FBXW11: variants seen among roughly 807,000 people sequenced by gnomAD.
FBXW11 encodes the protein F-box and WD repeat domain containing 11, also known as F-box/WD repeat-containing protein 11.
In FBXW11, 19 loss-of-function variants were observed where a neutral mutation model predicts 77.6. That is an observed-to-expected ratio of 0.24 (90% CI 0.17 to 0.36). FBXW11 has a LOEUF of 0.36. Ranked by LOEUF, FBXW11 falls within the 10% of genes least tolerant of loss-of-function variation. The pLI is 1.00. For missense variants in FBXW11, 334 were observed against 704.2 expected, an observed-to-expected ratio of 0.47 and a Z score of 5.95; for synonymous variants, 235 against 249.4, an observed-to-expected ratio of 0.94 and a Z score of 0.54.
At chr5:171,923,891 T>A (rs1761733892) in intron 2 of FBXW11, among the ~76,000 whole-genome samples, 1 of 133,912 alleles carries the variant, frequency 7.5e-6, no homozygotes, top group Non-Finnish European at 1.6e-5. Flanking sequence ...CAGGGGAGGG[T>A]CCGCGGTGAA....
chr5:171,884,563 T>C (rs1429923140), intron 7 of FBXW11, among the ~76,000 whole-genome samples: 2 of 152,238 alleles, frequency 1.3e-5, no homozygotes, highest in African/African-American at 2.4e-5. Flanking sequence ...AATTGTTTTA[T>C]CTAATTCTGT....
At chr5:172,002,029 G>C (rs1351462045) in intron 1 of FBXW11, among the ~76,000 whole-genome samples, 1 of 152,188 alleles carries the variant, frequency 6.6e-6, no homozygotes, top group Non-Finnish European at 1.5e-5. Flanking sequence ...AGGAAGACTG[G>C]AATTGGAATC....
At chr5:171,955,103 A>C (rs970828010) in intron 2 of FBXW11, among the ~76,000 whole-genome samples, 1 of 152,250 alleles carries the variant, frequency 6.6e-6, no homozygotes, top group Non-Finnish European at 1.5e-5. Flanking sequence ...GTTGGTAATG[A>C]GTGATTTTTA....
chr5:171,951,089 T>C (rs1260120178), intron 2 of FBXW11, among the ~76,000 whole-genome samples: 1 of 151,540 alleles, frequency 6.6e-6, no homozygotes, highest in African/African-American at 2.4e-5. Flanking sequence ...AATTAAGTCA[T>C]AATAAAATAC....
intron 1 of FBXW11, among the ~76,000 whole-genome samples, chr5:171,994,239 G>A (rs1216856093): frequency 6.6e-6 from 1 of 152,164 alleles, no homozygotes; most frequent in Non-Finnish European, 1.5e-5. Context: ...AAGCCAGACT[G>A]CCTGGGTTCA....
intron 13 of FBXW11, among the ~76,000 whole-genome samples, chr5:171,864,367 CAA>C (rs1173977998): frequency 6.6e-6 from 1 of 152,204 alleles, no homozygotes; most frequent in Non-Finnish European, 1.5e-5. Flanking sequence ...GTGTTTGGTT[CAA>C]AGAGTCAACA....
At chr5:171,878,603 A>AGACAGAGAGAGTGT in intron 7 of FBXW11, among the ~76,000 whole-genome samples, 1 of 128,582 alleles carries the variant, frequency 7.8e-6, no homozygotes, top group Non-Finnish European at 1.6e-5. Flanking sequence ...AGAGAGAGAG[A>AGACAGAGAGAGTGT]GTGTGTGTGT....
At chr5:171,951,223 G>T (rs1763297435) in intron 2 of FBXW11, among the ~76,000 whole-genome samples, 1 of 150,978 alleles carries the variant, frequency 6.6e-6, no homozygotes. Context: ...AAAAATTGTA[G>T]TCTAAAGGCC....
chr5:171,865,819 G>A (rs922106930), intron 13 of FBXW11, among the ~76,000 whole-genome samples: 4 of 152,118 alleles, frequency 2.6e-5, no homozygotes, highest in Non-Finnish European at 5.9e-5. Context: ...TAGATCTACT[G>A]CTGCATTTGC....
At chr5:171,925,940 C>T (rs972733349) in intron 2 of FBXW11, among the ~76,000 whole-genome samples, 7 of 152,116 alleles carry the variant, frequency 4.6e-5, no homozygotes, top group Non-Finnish European at 7.3e-5. Flanking sequence ...GGGGAAAAGG[C>T]CTAAACTATT....
chr5:171,916,991 A>G (rs1008553186), intron 2 of FBXW11, among the ~76,000 whole-genome samples: 18 of 152,136 alleles, frequency 1.2e-4, no homozygotes, highest in Admixed American at 5.2e-4. Context: ...TGTGATCTCA[A>G]ATCACTGCAA....
chr5:171,930,587 G>A (rs946971100), intron 2 of FBXW11, among the ~76,000 whole-genome samples: 3 of 152,014 alleles, frequency 2.0e-5, no homozygotes, highest in South Asian at 2.1e-4. Flanking sequence ...CAAACACTGC[G>A]GAAGGCCGCA....
rs1002352994 is a variant in FBXW11, at chr5:171,926,193, C to A, written c.148-11788G>T. ...TAAGTAAAAGATTCACACCAAGACC[C>A]CAGATATATATGCTGTGGTCTAGGG... On this transcript the variant is annotated intron_variant, in intron 2 of 13. Coordinates refer to ENST00000517395, the MANE Select transcript of FBXW11 (RefSeq NM_001378974.1). Among the ~76,000 whole-genome samples the A allele has an allele frequency of 3.3e-5, 5 of 152,268 alleles. No individual in the cohort carries two copies. In the East Asian group the frequency reaches 5.8e-4, roughly 18 times the overall value.
At chr5:171,866,256 C>T (rs1757382737) in intron 13 of FBXW11, among the ~76,000 whole-genome samples, 1 of 143,402 alleles carries the variant, frequency 7.0e-6, no homozygotes, top group South Asian at 2.2e-4. Flanking sequence ...CAGAGCAAGA[C>T]ATTGTCTCAA....
chr5:171,903,256 C>T (rs963933707), intron 4 of FBXW11, among the ~76,000 whole-genome samples: 1 of 152,068 alleles, frequency 6.6e-6, no homozygotes, highest in African/African-American at 2.4e-5. Context: ...GCCTCCACAC[C>T]CAGCTAATTT....
intron 1 of FBXW11, among the ~76,000 whole-genome samples, chr5:171,973,014 CT>C (rs1163453051): frequency 2.0e-5 from 3 of 152,296 alleles, no homozygotes; most frequent in Admixed American, 2.0e-4. Flanking sequence ...CACAGAAGTA[CT>C]GTGCTTTCAA....
intron 2 of FBXW11, among the ~76,000 whole-genome samples, chr5:171,919,886 T>G (rs1398150889): frequency 1.3e-5 from 2 of 152,224 alleles, no homozygotes; most frequent in African/African-American, 4.8e-5. Context: ...CTGGGCGCAG[T>G]GGCTCATGCC....
At chr5:171,917,322 G>GA (rs200744741) in intron 2 of FBXW11, among the ~76,000 whole-genome samples, 1,903 of 152,256 alleles carry the variant, frequency 0.012, 44 homozygotes, top group African/African-American at 0.042. Context: ...CTTTACTTAA[G>GA]ATGGAAACAC....
At chr5:171,890,859 G>A (rs574126685) in intron 7 of FBXW11, among the ~76,000 whole-genome samples, 44 of 152,112 alleles carry the variant, frequency 2.9e-4, no homozygotes, top group Non-Finnish European at 5.6e-4. Flanking sequence ...ATACATGTCT[G>A]TGTGTTTATC....
Sources: gnomAD v4.1 joint callset for allele counts (sites outside exome capture counted in the v4.1 genomes callset) on GRCh38, gnomAD v4.1.1 for gene constraint, MANE v1.5 for transcripts, NCBI Gene and HGNC (gene_info 2026-07-23, HGNC 2026-07-21) for gene names.